Variants in SPECC1L observed in about 807,000 individuals in gnomAD.
The protein encoded by SPECC1L is cytospin-A.
Under a neutral mutation model 116.8 loss-of-function variants are expected in SPECC1L, and 40 were observed. The ratio of observed to expected loss-of-function variants is 0.34; its 90% CI spans 0.27 to 0.45. The LOEUF (loss-of-function observed/expected upper bound fraction) is 0.45, where lower values mean the gene tolerates loss of function less well. Ranked by LOEUF, SPECC1L falls within the 20% of genes least tolerant of loss-of-function variation. SPECC1L has a pLI of 1.00. For missense variants in SPECC1L, 1,110 were observed against 1,373.6 expected, an observed-to-expected ratio of 0.81 and a Z score of 3.03; for synonymous variants, 504 against 500.6, an observed-to-expected ratio of 1.01 and a Z score of -0.09.
intron 3 of SPECC1L, 126 bp from the exon 4 acceptor site, chr22:24,313,187 A>C: frequency 1.1e-6 from 1 of 896,848 alleles, no homozygotes; most frequent in Non-Finnish European, 1.8e-6. Context: ...GCTGCTTACT[A>C]CCTGTCAGAT....
chr22:24,385,813 G>A lies in SPECC1L; in HGVS notation c.3087+16493G>A, dbSNP rs1433825993. On this transcript the variant is annotated intron_variant, in intron 14 of 16. Transcript: ENST00000314328. ...TAGGCATATTTGGAGATTTTAACACGCTTCTCTCATTAACGAATAGAAAAA... is the reference window on the plus strand; with the variant it reads ...TAGGCATATTTGGAGATTTTAACACACTTCTCTCATTAACGAATAGAAAAA... Among the ~76,000 whole-genome samples, 11 of 152,160 alleles carry A rather than the reference G, an allele frequency of 7.2e-5. No homozygotes were observed. The South Asian group carries it at 1.7e-3, about 23-fold the overall frequency.
In SPECC1L at chr22:24,417,241, G is replaced by A. The variant is rs1243667655; in HGVS notation, c.*2618G>A. On this transcript the variant is annotated 3_prime_UTR_variant, in exon 17 of 17. Coordinates refer to ENST00000314328, the MANE Select transcript of SPECC1L (RefSeq NM_015330.6). The stretch of plus-strand genomic sequence containing the variant: ...AAATATTCTTGAATGTATTAAAATG[G>A]CTGAAACAACAAGCTTGGGCTTTTC... 5 of 152,684 alleles carry A rather than the reference G, an allele frequency of 3.3e-5. No homozygotes were observed. The East Asian group carries it at 9.6e-4, about 29-fold the overall frequency. 9.5% of individuals were successfully genotyped at this position (152,684 alleles called of 1,614,324 possible).
chr22:24,301,114 A>G (rs1359060270), intron 2 of SPECC1L, among the ~76,000 whole-genome samples: 3 of 152,222 alleles, frequency 2.0e-5, no homozygotes, highest in African/African-American at 7.2e-5. Flanking sequence ...AAAATTGACA[A>G]ATGGGATCTA....
intron 16 of SPECC1L, 76 bp from the exon 17 acceptor site, chr22:24,414,458 G>A: frequency 8.2e-7 from 1 of 1,214,094 alleles, no homozygotes; most frequent in Non-Finnish European, 1.2e-6. Flanking sequence ...AAGAGCCCAT[G>A]TTGCTATGGC....
intron 14 of SPECC1L, among the ~76,000 whole-genome samples, chr22:24,386,215 G>A (rs1433626022): frequency 6.6e-6 from 1 of 152,020 alleles, no homozygotes; most frequent in African/African-American, 2.4e-5. Context: ...TATTTATAGT[G>A]GACATTAAGC....
At chr22:24,275,918 G>C (rs548360694) in intron 1 of SPECC1L, among the ~76,000 whole-genome samples, 3 of 152,248 alleles carry the variant, frequency 2.0e-5, no homozygotes, top group African/African-American at 7.2e-5. Context: ...TTGCCATCTT[G>C]CCTAGGCTGG....
At chr22:24,285,262 GGTTGTA>G (rs1330189973) in intron 2 of SPECC1L, among the ~76,000 whole-genome samples, 4 of 152,204 alleles carry the variant, frequency 2.6e-5, no homozygotes, top group African/African-American at 9.7e-5. Context: ...TTGTCCTTCT[GGTTGTA>G]GTGGGAAGGA....
At position 24,321,326 on chromosome 22, in the gene SPECC1L, A is replaced by C; in HGVS notation, c.346A>C (p.Asn116His). 6.2e-7 allele frequency: 1 copy of C among 1,614,234 alleles called. No individual in the cohort carries two copies. Among genetic ancestry groups the C allele is most frequent in the South Asian group, 1.1e-5 (1 of 91,092 alleles). Residue 116 changes from asparagine (N) to histidine (H), a missense_variant, in exon 5 of 17, where the codon AAT (asparagine) becomes CAT (histidine). By Grantham distance (68) the Asn-to-His change is moderately conservative. Transcript: ENST00000314328. ...SSTKRSTSTG[N>H]KESSSTRERL... ...AACCAAGCGGAGCACTTCTACAGGT[A>C]ATAAAGAATCCAGTTCTACTAGAGA...
chr22:24,344,343 TAA>T (rs201890320), intron 10 of SPECC1L, among the ~76,000 whole-genome samples: 12 of 145,448 alleles, frequency 8.3e-5, no homozygotes, highest in African/African-American at 2.8e-4. Context: ...GAAAAAAAAT[TAA>T]AAAAAAAAAC....
chr22:24,343,148 C>T (rs539256513), intron 10 of SPECC1L, among the ~76,000 whole-genome samples: 6 of 151,536 alleles, frequency 4.0e-5, no homozygotes, highest in Admixed American at 2.0e-4. Context: ...GAGCTGAGAT[C>T]GCACCACTGC....
At chr22:24,299,800 G>A (rs1201359704) in intron 2 of SPECC1L, among the ~76,000 whole-genome samples, 1 of 151,574 alleles carries the variant, frequency 6.6e-6, no homozygotes, top group South Asian at 2.1e-4. Context: ...TATATTCACA[G>A]TATTGTGCAA....
chr22:24,379,674 C>G (rs2042030096), intron 14 of SPECC1L, among the ~76,000 whole-genome samples: 1 of 152,118 alleles, frequency 6.6e-6, no homozygotes, highest in Non-Finnish European at 1.5e-5. Flanking sequence ...GCTACAAACC[C>G]AATTCTCTGC....
At chr22:24,358,449 T>G (rs2041576576) in intron 11 of SPECC1L, among the ~76,000 whole-genome samples, 1 of 152,146 alleles carries the variant, frequency 6.6e-6, no homozygotes, top group South Asian at 2.1e-4. Context: ...AGAATATTGG[T>G]TTTTGTTTTA....
In SPECC1L at chr22:24,311,796, CTT is replaced by C. The variant is rs541914219; in HGVS notation, c.154-1515_154-1514del. Reference sequence around the variant, plus strand: ...CTCCAGCCTCGGTGACAGAGTGAGACTTTGTCTCAAAAAAAAAAAAAAAAAAA... The same window carrying C: ...CTCCAGCCTCGGTGACAGAGTGAGACTGTCTCAAAAAAAAAAAAAAAAAAA... On this transcript the variant is annotated intron_variant, in intron 3 of 16. Coordinates refer to ENST00000314328, the MANE Select transcript of SPECC1L (RefSeq NM_015330.6). Among the ~76,000 whole-genome samples, 466 of 98,860 alleles carry C rather than the reference CTT, an allele frequency of 4.7e-3. 5 individuals are homozygous for C. The highest frequency in any genetic ancestry group is 0.018 in the African/African-American group (434 of 24,498). 64.9% of individuals were successfully genotyped at this position (98,860 alleles called of 152,430 possible).
intron 14 of SPECC1L, among the ~76,000 whole-genome samples, chr22:24,400,740 A>G (rs2042456977): frequency 6.6e-6 from 1 of 152,218 alleles, no homozygotes; most frequent in South Asian, 2.1e-4. Flanking sequence ...TTTCTTTTAA[A>G]TAATAGCCAT....
intron 6 of SPECC1L, among the ~76,000 whole-genome samples, chr22:24,325,538 GATTTATTTATTTATTTATTTATTT>G (rs56194800): frequency 1.4e-5 from 2 of 146,672 alleles, no homozygotes; most frequent in Non-Finnish European, 1.5e-5. Flanking sequence ...TACTTAAATG[GATTTATTTATTTATTTATTTATTT>G]ATTTATTTAT....
At chr22:24,306,294 C>CT (rs563470909) in intron 3 of SPECC1L, among the ~76,000 whole-genome samples, 98 of 148,758 alleles carry the variant, frequency 6.6e-4, no homozygotes, top group Non-Finnish European at 9.6e-4. Flanking sequence ...TTTCCGTTGT[C>CT]TTTTTTTTTT....
At chr22:24,330,486 C>G in intron 8 of SPECC1L, 55 bp downstream of exon 8, 2 of 1,588,332 alleles carry the variant, frequency 1.3e-6, no homozygotes, top group Non-Finnish European at 1.7e-6. Context: ...ACACTTAAAT[C>G]CCAATTTTTG....
At chr22:24,365,799 A>T (rs867954909) in intron 13 of SPECC1L, among the ~76,000 whole-genome samples, 167 bp downstream of exon 13, 4 of 150,430 alleles carry the variant, frequency 2.7e-5, no homozygotes, top group Admixed American at 6.6e-5. Context: ...GGTATAGAAG[A>T]CACTGACAAA....
Sources: gnomAD v4.1 joint callset for allele counts (sites outside exome capture counted in the v4.1 genomes callset) on GRCh38, gnomAD v4.1.1 for gene constraint, MANE v1.5 for transcripts, NCBI Gene and HGNC (gene_info 2026-07-23, HGNC 2026-07-21) for gene names.